Variants in LIX1L observed in about 807,000 individuals in gnomAD.
The protein encoded by LIX1L is limb and CNS expressed 1 like.
In LIX1L, 20 loss-of-function variants were observed where a neutral mutation model predicts 34.0. The ratio of observed to expected loss-of-function variants is 0.59; its 90% CI spans 0.41 to 0.85. LIX1L has a LOEUF of 0.85. Ranked by LOEUF, LIX1L falls within the 40% of genes least tolerant of loss-of-function variation. LIX1L has a pLI of 0.00. For missense variants in LIX1L, 397 were observed against 447.0 expected (o/e 0.89, Z 1.01); for synonymous variants, 170 against 187.4 (o/e 0.91, Z 0.76).
intron 1 of LIX1L, 41 bp from the exon 2 acceptor site, chr1:145,947,823 C>T: frequency 6.3e-7 from 1 of 1,591,994 alleles, no homozygotes; most frequent in Non-Finnish European, 8.6e-7. Flanking sequence ...TGAATGAGAA[C>T]ACCTCCACGT....
intron 2 of LIX1L, among the ~76,000 whole-genome samples, chr1:145,945,300 CAAA>C (rs1176595454): frequency 8.2e-6 from 1 of 121,808 alleles, no homozygotes; most frequent in Non-Finnish European, 1.7e-5. Context: ...GACTCTGTCT[CAAA>C]AAAAAAAAAA....
rs1648659913 is a variant in LIX1L, at chr1:145,936,715, A to G, written c.772-163T>C. 8 of 865,106 alleles carry G rather than the reference A, an allele frequency of 9.2e-6. No individual in the cohort carries two copies. In the East Asian group the frequency reaches 2.0e-4, roughly 21 times the overall value. 53.6% of individuals were successfully genotyped at this position (865,106 alleles called of 1,614,324 possible). A position where few individuals can be genotyped will look rare whatever the true frequency, so the allele number is the denominator to read the frequency against. On this transcript the variant is annotated intron_variant, in intron 5 of 5. Transcript: ENST00000604000. ...AAGGCACTTCCTGCTACGGGAAGCAAGATAGACAAAAGAATCACAGCTAAT... is the reference window on the plus strand; with the variant it reads ...AAGGCACTTCCTGCTACGGGAAGCAGGATAGACAAAAGAATCACAGCTAAT...
At chr1:145,953,794 C>T (rs1649378739) in intron 1 of LIX1L, among the ~76,000 whole-genome samples, 1 of 152,154 alleles carries the variant, frequency 6.6e-6, no homozygotes, top group African/African-American at 2.4e-5. Context: ...TGACTCATGC[C>T]TATAATTCCA....
In LIX1L at chr1:145,936,519, C is replaced by T. The variant is rs782493798; in HGVS notation, c.805G>A (p.Asp269Asn). 1 of 1,614,144 alleles carries T rather than the reference C, an allele frequency of 6.2e-7. No individual in the cohort carries two copies. The change falls in exon 6 of 6, where the codon GAT (aspartate) becomes AAT (asparagine). Residue 269 changes from aspartate to asparagine, a missense_variant. By Grantham distance (23) the Asp-to-Asn change is conservative. This residue lies in a region of LIX1L where 174 missense variants were observed against 204.0 expected (regional missense o/e 0.85). Coordinates refer to ENST00000604000, the MANE Select transcript of LIX1L (RefSeq NM_153713.3). ...VLAHYSHRALDDDIRHQMALD... is the reference protein window; with the variant it reads ...VLAHYSHRALNDDIRHQMALD... ...GCCATTTGGTGGCGAATATCATCAT[C>T]CAGGGCCCGGTGCGAATAATGAGCC...
In LIX1L at chr1:145,939,265, C is replaced by A. The variant is rs899389757; in HGVS notation, c.598-1566G>T. The stretch of plus-strand genomic sequence containing the variant: ...AGGTGTCCTCGAGAGATCCTAGAAC[C>A]AATCCCACACAGATCCCAAAGGAAG... On this transcript the variant is annotated intron_variant, in intron 3 of 5. Coordinates refer to ENST00000604000, the MANE Select transcript of LIX1L (RefSeq NM_153713.3). Among the ~76,000 whole-genome samples the A allele has an allele frequency of 6.1e-4, 92 of 151,896 alleles. No homozygotes were observed. The Middle Eastern group carries it at 0.01, about 17-fold the overall frequency.
intron 1 of LIX1L, among the ~76,000 whole-genome samples, chr1:145,952,603 C>T (rs1163956963): frequency 6.7e-6 from 1 of 149,946 alleles, no homozygotes; most frequent in African/African-American, 2.5e-5. Flanking sequence ...TCATTTTCAG[C>T]CAAAATAAAA....
At chr1:145,953,130 G>A (rs1378450137) in intron 1 of LIX1L, among the ~76,000 whole-genome samples, 1 of 151,844 alleles carries the variant, frequency 6.6e-6, no homozygotes, top group Non-Finnish European at 1.5e-5. Flanking sequence ...TGCCCAGGCT[G>A]GTCTCAAACC....
At chr1:145,942,527 G>A (rs782786766) in intron 3 of LIX1L, among the ~76,000 whole-genome samples, 186 bp downstream of exon 3, 1 of 152,182 alleles carries the variant, frequency 6.6e-6, no homozygotes, top group Non-Finnish European at 1.5e-5. Flanking sequence ...CACAGATACA[G>A]AACTAGAGAC....
Position 145,936,472 on chromosome 1 carries a change from C to A in LIX1L, c.852G>T (p.Glu284Asp). 6.2e-7 allele frequency: 1 copy of A among 1,614,214 alleles called. No individual in the cohort carries two copies. The highest frequency in any genetic ancestry group is 8.5e-7 in the Non-Finnish European group (1 of 1,180,044). Residue 284 changes from glutamate (E) to aspartate (D), a missense_variant, in exon 6 of 6, where the codon GAG becomes GAT. Glu to Asp is a conservative substitution (Grantham distance 45). Around this residue, in one of 3 missense-constraint regions of LIX1L, gnomAD observed 174 missense variants for 204.0 expected, o/e 0.85. Transcript: ENST00000604000. Reference sequence around the variant, plus strand: ...TAGACAGTGCCCCCGGCACACTCTGCTCCCGGCTCACCCAGTCCAAGGCCA... The same window carrying A: ...TAGACAGTGCCCCCGGCACACTCTGATCCCGGCTCACCCAGTCCAAGGCCA... ...HQMALDWVSR[E>D]QSVPGALSRE...
chr1:145,957,733 G>C lies in LIX1L; in HGVS notation c.195C>G (p.Pro65=). 6.9e-7 allele frequency: 1 copy of C among 1,454,954 alleles called. No homozygotes were observed. The highest frequency in any genetic ancestry group is 9.0e-7 in the Non-Finnish European group (1 of 1,108,352). The allele number at this position is 1,454,954 out of a possible 1,614,324, so 90.1% of individuals were successfully genotyped here. Residue 65 remains proline (P), a synonymous_variant, in exon 1 of 6, where the codon CCC becomes CCG. Coordinates refer to ENST00000604000, the MANE Select transcript of LIX1L (RefSeq NM_153713.3). ...GGCTGCCGGCGGCGCCGGGGGGCAG[G>C]GGTAGTCCTGGGGCCCCAGACAGGA... ...PLLLSGAPGL[P]LPPGAAGSPA...
chr1:145,957,793 G>A lies in LIX1L; in HGVS notation c.135C>T (p.Ala45=). 1.5e-6 allele frequency: 2 copies of A among 1,345,714 alleles called. No homozygotes were observed. The highest frequency in any genetic ancestry group is 1.9e-6 in the Non-Finnish European group (2 of 1,055,222). 83.4% of individuals were successfully genotyped at this position (1,345,714 alleles called of 1,614,324 possible). A position where few individuals can be genotyped will look rare whatever the true frequency, so the allele number is the denominator to read the frequency against. Residue 45 remains alanine, a synonymous_variant, in exon 1 of 6, where the codon GCC becomes GCT. Transcript: ENST00000604000. ...TATPPAGPPP[A]PPPPAPPPPP... ...GCGGGGGCGGTGCGGGAGGCGGCGG[G>A]GCAGGCGGGGGGCCCGCAGGGGGTG...
At position 145,936,269 on chromosome 1, in the gene LIX1L, A is replaced by C; in HGVS notation, c.*41T>G. 6.3e-7 allele frequency: 1 copy of C among 1,597,756 alleles called. No individual in the cohort carries two copies. The highest frequency in any genetic ancestry group is 8.5e-7 in the Non-Finnish European group (1 of 1,170,934). ...CTAAATCTTAGAAAGGAGACATAAAAAAAGGCTGTGGAAAGCCTGGGGAGT... is the reference window on the plus strand; with the variant it reads ...CTAAATCTTAGAAAGGAGACATAAACAAAGGCTGTGGAAAGCCTGGGGAGT... On this transcript the variant is annotated 3_prime_UTR_variant, in exon 6 of 6. Coordinates refer to ENST00000604000, the MANE Select transcript of LIX1L (RefSeq NM_153713.3).
Position 145,935,937 on chromosome 1 carries a change from G to A in LIX1L, c.*373C>T, listed in dbSNP as rs1434828886. 3 of 240,920 alleles carry A rather than the reference G, an allele frequency of 1.2e-5. No individual in the cohort carries two copies. The highest frequency in any genetic ancestry group is 2.5e-5 in the Non-Finnish European group (3 of 121,790). 14.9% of individuals were successfully genotyped at this position (240,920 alleles called of 1,614,324 possible). ...AGAGGAAGCAGGAATGAGAGTAAGG[G>A]TGGGGCACATAATCCTTATTCAAGT... On this transcript the variant is annotated 3_prime_UTR_variant, in exon 6 of 6. Transcript: ENST00000604000.
In LIX1L at chr1:145,958,003, A is replaced by G. The variant is rs1649561119; in HGVS notation, c.-76T>C. 1 of 1,061,388 alleles carries G rather than the reference A, an allele frequency of 9.4e-7. No homozygotes were observed. The highest frequency in any genetic ancestry group is 2.1e-5 in the South Asian group (1 of 47,102). The allele number at this position is 1,061,388 out of a possible 1,614,324, so 65.7% of individuals were successfully genotyped here. Reference sequence around the variant, plus strand: ...ACGGTCCCAACCACCCCAGTCAGCTAGCGCCTGGGGACTCAGGGCGGTGCC... The same window carrying G: ...ACGGTCCCAACCACCCCAGTCAGCTGGCGCCTGGGGACTCAGGGCGGTGCC... On this transcript the variant is annotated 5_prime_UTR_variant, in exon 1 of 6. Coordinates refer to ENST00000604000, the MANE Select transcript of LIX1L (RefSeq NM_153713.3).
At chr1:145,956,542 G>A (rs1553760372) in intron 1 of LIX1L, among the ~76,000 whole-genome samples, 1 of 152,130 alleles carries the variant, frequency 6.6e-6, no homozygotes, top group African/African-American at 2.4e-5. Flanking sequence ...AAGCCTGTGT[G>A]TGCTCTTTTC....
chr1:145,949,436 G>A (rs1161567257), intron 1 of LIX1L, among the ~76,000 whole-genome samples: 1 of 152,126 alleles, frequency 6.6e-6, no homozygotes, highest in East Asian at 1.9e-4. Context: ...GGCTCATGAC[G>A]GCAGGGAACA....
intron 1 of LIX1L, among the ~76,000 whole-genome samples, chr1:145,952,559 T>A (rs587598993): frequency 1.3e-5 from 2 of 152,252 alleles, no homozygotes; most frequent in South Asian, 4.1e-4. Flanking sequence ...TATACGAATG[T>A]CTAAGTGGAC....
rs782422147 is a variant in LIX1L at position 145,936,323 on chromosome 1, G to T, written c.1001C>A (p.Ser334Tyr). ...LAAGQLGNMH[S>Y]SNC ...GTGGGTGGATGCCTAGCAGTTGGAA[G>T]AATGCATATTGCCCAACTGCCCAGC... Residue 334 changes from serine (S) to tyrosine (Y), a missense_variant, in exon 6 of 6, where the codon TCT (serine) becomes TAT (tyrosine). This residue lies in a region of LIX1L where 174 missense variants were observed against 204.0 expected (regional missense o/e 0.85). Coordinates refer to ENST00000604000, the MANE Select transcript of LIX1L (RefSeq NM_153713.3). The T allele has an allele frequency of 6.2e-7, 1 of 1,614,160 alleles. No homozygotes were observed. Among genetic ancestry groups the T allele is most frequent in the Admixed American group, 1.7e-5 (1 of 60,016 alleles).
At chr1:145,950,841 G>A (rs1553759773) in intron 1 of LIX1L, among the ~76,000 whole-genome samples, 2 of 152,204 alleles carry the variant, frequency 1.3e-5, no homozygotes, top group Admixed American at 6.5e-5. Flanking sequence ...GCGAATGTGC[G>A]ACTTTGTGGT....
Sources: gnomAD v4.1 joint callset for allele counts (sites outside exome capture counted in the v4.1 genomes callset) on GRCh38, gnomAD v4.1.1 for gene constraint, gnomAD v4.1.1 regional missense constraint, MANE v1.5 for transcripts, NCBI Gene and HGNC (gene_info 2026-07-23, HGNC 2026-07-21) for gene names.